The following GMPR variants were observed in gnomAD, a reference collection of about 807,000 sequenced individuals.
GMPR encodes guanosine monophosphate reductase, also known as GMP reductase 1.
In GMPR, 31 loss-of-function variants were observed where a neutral mutation model predicts 38.4. That is an observed-to-expected ratio of 0.81 (90% CI 0.61 to 1.09). The LOEUF is 1.09. Among genes scored for constraint, GMPR ranks in the 50% least tolerant of loss-of-function variants. The pLI, the probability that GMPR is intolerant of heterozygous loss-of-function variation, is 0.00. For missense variants in GMPR, 468 were observed against 453.7 expected, an observed-to-expected ratio of 1.03 and a Z score of -0.29; for synonymous variants, 162 against 173.3, an observed-to-expected ratio of 0.93 and a Z score of 0.51.
At chr6:16,249,706 G>C (rs1195887781) in intron 2 of GMPR, among the ~76,000 whole-genome samples, 1 of 152,206 alleles carries the variant, frequency 6.6e-6, no homozygotes, top group Non-Finnish European at 1.5e-5. Context: ...TGAAACGACT[G>C]ACACAAAGCG....
intron 3 of GMPR, among the ~76,000 whole-genome samples, chr6:16,250,652 AGAT>A (rs1163237443): frequency 1.3e-5 from 2 of 152,228 alleles, no homozygotes; most frequent in African/African-American, 4.8e-5. Flanking sequence ...AATTCAAGGT[AGAT>A]CCAGTCTTTT....
intron 4 of GMPR, among the ~76,000 whole-genome samples, chr6:16,264,118 C>T (rs1759143797): frequency 6.6e-6 from 1 of 151,896 alleles, no homozygotes; most frequent in Non-Finnish European, 1.5e-5. Context: ...AGAGGTGTCC[C>T]TGCAATGATT....
chr6:16,266,540 C>T (rs927423105), intron 4 of GMPR, among the ~76,000 whole-genome samples: 3 of 151,094 alleles, frequency 2.0e-5, no homozygotes, highest in South Asian at 2.1e-4. Flanking sequence ...CGGTGGCTCA[C>T]GCCTGTAATC....
Position 16,261,570 on chromosome 6 carries a change from T to G in GMPR, c.465+6835T>G, listed in dbSNP as rs1289475763. The stretch of plus-strand genomic sequence containing the variant: ...CATGGGGTGGATAGGCAAAACAATT[T>G]GGTTGATAAGGCGCAGATCCTGAAC... On this transcript the variant is annotated intron_variant, in intron 4 of 8. Transcript: ENST00000259727. Among the ~76,000 whole-genome samples the G allele has an allele frequency of 5.3e-5, 8 of 152,080 alleles. No homozygotes were observed. The South Asian group carries it at 1.7e-3, about 32-fold the overall frequency.
chr6:16,249,554 C>T (rs1008303885), intron 2 of GMPR, among the ~76,000 whole-genome samples: 4 of 152,026 alleles, frequency 2.6e-5, no homozygotes, highest in African/African-American at 7.3e-5. Flanking sequence ...AACTCCTGGG[C>T]TTAAGTGATC....
chr6:16,260,619 C>T (rs148572981), intron 4 of GMPR, among the ~76,000 whole-genome samples: 3,262 of 151,984 alleles, frequency 0.021, 104 homozygotes, highest in African/African-American at 0.068. Context: ...AAGTTATTTC[C>T]TTGAGGATAG....
chr6:16,245,849 G>A (rs1758741401), intron 1 of GMPR, among the ~76,000 whole-genome samples: 1 of 152,182 alleles, frequency 6.6e-6, no homozygotes, highest in African/African-American at 2.4e-5. Context: ...CTGGTCGGAG[G>A]ATCCAGGCCC....
intron 3 of GMPR, among the ~76,000 whole-genome samples, chr6:16,251,556 G>A (rs187011636): frequency 2.0e-4 from 31 of 152,338 alleles, no homozygotes; most frequent in African/African-American, 6.5e-4. Context: ...GGCAACGAGA[G>A]CGAAACTCTG....
intron 3 of GMPR, 85 bp from the exon 4 acceptor site, chr6:16,254,477 C>A: frequency 8.5e-7 from 1 of 1,172,946 alleles, no homozygotes; most frequent in Non-Finnish European, 1.3e-6. Context: ...GTTGTACTGT[C>A]CCAGAATAGG....
At chr6:16,273,365 A>G (rs914526979) in intron 4 of GMPR, among the ~76,000 whole-genome samples, 4 of 152,228 alleles carry the variant, frequency 2.6e-5, no homozygotes, top group African/African-American at 9.6e-5. Context: ...CATCTTGCCA[A>G]GTATCCTATA....
rs566314575 is a variant in GMPR at position 16,267,159 on chromosome 6, C to A, written c.466-7256C>A. ...TGGGCGGATCACCAGGTCAGGAGAT[C>A]ATGACCATCCTGGCTAACACGGTGA... On this transcript the variant is annotated intron_variant, in intron 4 of 8. Coordinates refer to ENST00000259727, the MANE Select transcript of GMPR (RefSeq NM_006877.4). 5.9e-5 allele frequency among the ~76,000 whole-genome samples: 9 copies of A among 152,190 alleles called. No individual in the cohort carries two copies. The East Asian group carries it at 1.7e-3, about 30-fold the overall frequency.
chr6:16,286,044 G>T (rs966085653), intron 7 of GMPR, among the ~76,000 whole-genome samples: 15 of 152,148 alleles, frequency 9.9e-5, no homozygotes, highest in Non-Finnish European at 1.9e-4. Flanking sequence ...ATATCTAGGG[G>T]TGACGTCCTG....
intron 3 of GMPR, among the ~76,000 whole-genome samples, chr6:16,251,733 G>A (rs1758879957): frequency 6.6e-6 from 1 of 151,962 alleles, no homozygotes; most frequent in Non-Finnish European, 1.5e-5. Context: ...TCTTTGGGAG[G>A]GTTATGAAAA....
chr6:16,276,821 G>A (rs1361084722), intron 5 of GMPR, among the ~76,000 whole-genome samples: 1 of 152,180 alleles, frequency 6.6e-6, no homozygotes, highest in Non-Finnish European at 1.5e-5. Context: ...CCTGGGAACT[G>A]GGAAAAAGCA....
intron 2 of GMPR, among the ~76,000 whole-genome samples, chr6:16,248,865 G>T (rs1758809911): frequency 6.6e-6 from 1 of 152,144 alleles, no homozygotes; most frequent in African/African-American, 2.4e-5. Flanking sequence ...AAAAACCTAG[G>T]ACTCGCTGTG....
At chr6:16,262,390 CAGCTT>C (rs1466171042) in intron 4 of GMPR, 1 of 152,012 alleles carries the variant, frequency 6.6e-6, no homozygotes, top group Non-Finnish European at 1.5e-5. Flanking sequence ...AGATGGGACT[CAGCTT>C]AGGAGGAATC....
At chr6:16,239,191 T>G (rs534745669) in intron 1 of GMPR, among the ~76,000 whole-genome samples, 1 of 152,300 alleles carries the variant, frequency 6.6e-6, no homozygotes, top group South Asian at 2.1e-4. Context: ...CTAGTGCTGA[T>G]AATTGCTGCT....
chr6:16,275,811 A>C (rs1434625293), intron 5 of GMPR, among the ~76,000 whole-genome samples: 1 of 152,196 alleles, frequency 6.6e-6, no homozygotes, highest in Admixed American at 6.5e-5. Flanking sequence ...GTCTCCCAGC[A>C]CTTTGGGAGG....
rs1408013860 is a variant in GMPR at position 16,278,818 on chromosome 6, G to T, written c.582G>T (p.Val194=). 6.2e-7 allele frequency: 1 copy of T among 1,614,034 alleles called. No homozygotes were observed. Among genetic ancestry groups the T allele is most frequent in the South Asian group, 1.1e-5 (1 of 91,074 alleles). The change falls in exon 6 of 9, where the codon GTG becomes GTT. Residue 194 remains valine (V), a synonymous_variant. Coordinates refer to ENST00000259727, the MANE Select transcript of GMPR (RefSeq NM_006877.4). ...SVCTTRTKTG[V]GYPQLSAVIE... is the part of the protein sequence containing the mutation. ...GCACCACCCGCACCAAGACGGGAGTGGGGTACCCCCAGCTGAGTGCCGTCA... is the reference window on the plus strand; with the variant it reads ...GCACCACCCGCACCAAGACGGGAGTTGGGTACCCCCAGCTGAGTGCCGTCA...
Sources: allele counts gnomAD v4.1 joint callset (sites outside exome capture counted in the v4.1 genomes callset), GRCh38; gene constraint gnomAD v4.1.1; transcripts MANE v1.5; gene names NCBI Gene and HGNC (gene_info 2026-07-23, HGNC 2026-07-21).